RLIG1: variants seen among roughly 807,000 people sequenced by gnomAD.
RLIG1 encodes RNA ligase 1.
At chr12:88,040,208 A>G in the RLIG1 span, 2 of 1,610,584 alleles carry the variant, frequency 1.2e-6, no homozygotes, top group East Asian at 2.2e-5. Context: ...AGATATATAC[A>G]GTGCAATTCC....
At chr12:88,049,073 T>C in the RLIG1 span, 2 of 581,220 alleles carry the variant, frequency 3.4e-6, no homozygotes, top group East Asian at 6.1e-5. Flanking sequence ...AGTATAAAGG[T>C]ACAAGGTAGT....
At chr12:88,036,045 AG>A in the RLIG1 span, 1 of 1,432,450 alleles carries the variant, frequency 7.0e-7, no homozygotes, top group Non-Finnish European at 9.2e-7. Context: ...TTTTCAGGTC[AG>A]CACCTTTTGG....
At chr12:88,046,715 G>A in the RLIG1 span, 1 of 1,174,668 alleles carries the variant, frequency 8.5e-7, no homozygotes, top group Non-Finnish European at 1.2e-6. Context: ...TTATTCCTAA[G>A]TGTTTCAAAA....
At chr12:88,049,156 TAAATG>T in the RLIG1 span, 18 of 1,353,400 alleles carry the variant, frequency 1.3e-5, no homozygotes, top group East Asian at 4.6e-5. Context: ...AATAAATAGT[TAAATG>T]AAACAAAGTT....
the RLIG1 span, chr12:88,048,583 T>TA: frequency 2.1e-6 from 1 of 482,774 alleles, no homozygotes; most frequent in South Asian, 4.8e-5. Context: ...AAAATTTTAT[T>TA]AAAAACCAGC....
chr12:88,049,546 G>A, the RLIG1 span: 5 of 611,122 alleles, frequency 8.2e-6, no homozygotes, highest in Non-Finnish European at 1.4e-5. Context: ...AAAGGCAGAA[G>A]AATTAAGATT....
the RLIG1 span, among the ~76,000 whole-genome samples, chr12:88,038,099 A>G: frequency 6.6e-6 from 1 of 152,182 alleles, no homozygotes; most frequent in Non-Finnish European, 1.5e-5. Context: ...GGGGAAAAAC[A>G]TGAAAAAAAC....
chr12:88,040,199 G>T, the RLIG1 span: 3 of 1,611,164 alleles, frequency 1.9e-6, no homozygotes, highest in African/African-American at 2.7e-5. Context: ...ATTAGATGCA[G>T]ATATATACAG....
At chr12:88,041,435 T>C in the RLIG1 span, among the ~76,000 whole-genome samples, 1 of 152,206 alleles carries the variant, frequency 6.6e-6, no homozygotes, top group Non-Finnish European at 1.5e-5. Context: ...GAGGCTGTGC[T>C]TCCACAGAAG....
At chr12:88,037,962 A>T in the RLIG1 span, among the ~76,000 whole-genome samples, 2 of 152,302 alleles carry the variant, frequency 1.3e-5, no homozygotes, top group African/African-American at 4.8e-5. Flanking sequence ...CCATAAATTA[A>T]ATATGTAAAC....
the RLIG1 span, among the ~76,000 whole-genome samples, chr12:88,039,753 G>A: frequency 2.6e-5 from 4 of 152,074 alleles, 1 homozygote; most frequent in African/African-American, 9.7e-5. Context: ...TCATTAAAAT[G>A]CAAGTTTCAC....
the RLIG1 span, chr12:88,043,019 A>G: frequency 3.5e-6 from 2 of 564,508 alleles, no homozygotes; most frequent in Non-Finnish European, 5.7e-6. Flanking sequence ...GTGTAATTTA[A>G]GCAATTTAGG....
the RLIG1 span, among the ~76,000 whole-genome samples, chr12:88,039,821 A>G: frequency 1.3e-5 from 2 of 152,176 alleles, no homozygotes; most frequent in Non-Finnish European, 2.9e-5. Flanking sequence ...ACAATGCTTA[A>G]TCTTAGGCAT....
chr12:88,047,135 A>T, the RLIG1 span, among the ~76,000 whole-genome samples: 5 of 152,108 alleles, frequency 3.3e-5, no homozygotes, highest in Admixed American at 6.6e-5. Context: ...TTAAGAGGTA[A>T]AACAGTGCTT....
the RLIG1 span, chr12:88,042,043 T>C: frequency 6.6e-6 from 1 of 152,198 alleles, no homozygotes; most frequent in Non-Finnish European, 1.5e-5. Flanking sequence ...ATGTGTATTA[T>C]AGCCAAGGAC....
At chr12:88,039,340 TTG>T in the RLIG1 span, among the ~76,000 whole-genome samples, 1 of 152,164 alleles carries the variant, frequency 6.6e-6, no homozygotes, top group Non-Finnish European at 1.5e-5. Flanking sequence ...ACAAAAATGT[TTG>T]TGCTTATAAA....
chr12:88,049,371 G>A, the RLIG1 span: 1 of 1,557,030 alleles, frequency 6.4e-7, no homozygotes, highest in Non-Finnish European at 8.8e-7. Context: ...AAAAAATGAA[G>A]GATCAAAATT....
the RLIG1 span, chr12:88,049,075 C>T: frequency 3.4e-6 from 2 of 581,606 alleles, no homozygotes; most frequent in South Asian, 3.0e-5. Context: ...TATAAAGGTA[C>T]AAGGTAGTGA....
chr12:88,045,940 G>T, the RLIG1 span, among the ~76,000 whole-genome samples: 1 of 152,088 alleles, frequency 6.6e-6, no homozygotes, highest in Non-Finnish European at 1.5e-5. Context: ...CATTCACAGA[G>T]AAATGAAACC....
Sources: allele counts gnomAD v4.1 joint callset (sites outside exome capture counted in the v4.1 genomes callset), GRCh38; gene constraint gnomAD v4.1.1; transcripts MANE v1.5; gene names NCBI Gene and HGNC (gene_info 2026-07-23, HGNC 2026-07-21).